SERPINI1: variants seen among roughly 807,000 people sequenced by gnomAD.
SERPINI1 encodes serpin family I member 1, also known as neuroserpin.
Under a neutral mutation model 41.1 loss-of-function variants are expected in SERPINI1, and 19 were observed. The observed-to-expected ratio is 0.46, with a 90% CI of 0.32 to 0.68. The LOEUF (loss-of-function observed/expected upper bound fraction) is 0.68, where lower values mean the gene tolerates loss of function less well. SERPINI1 is among the 30% of genes least tolerant of loss of function. SERPINI1 has a pLI of 0.03. For synonymous variants in SERPINI1, 138 were observed against 156.6 expected (o/e 0.88, Z 0.89); for missense variants, 460 against 479.2 (o/e 0.96, Z 0.37).
intron 1 of SERPINI1, among the ~76,000 whole-genome samples, chr3:167,773,980 T>C (rs1169699970): frequency 6.6e-6 from 1 of 152,196 alleles, no homozygotes; most frequent in Non-Finnish European, 1.5e-5. Context: ...TAACTTAGGT[T>C]GGTGTTCCAT....
intron 3 of SERPINI1, among the ~76,000 whole-genome samples, chr3:167,791,172 G>C (rs1005342834): frequency 6.6e-6 from 1 of 151,946 alleles, no homozygotes; most frequent in African/African-American, 2.4e-5. Context: ...TGTATTTAGG[G>C]TTTCCAAATG....
At chr3:167,754,563 G>T (rs1726140264) in intron 1 of SERPINI1, among the ~76,000 whole-genome samples, 1 of 152,128 alleles carries the variant, frequency 6.6e-6, no homozygotes. Context: ...TTATGACTTG[G>T]CCATAAGGAA....
intron 1 of SERPINI1, among the ~76,000 whole-genome samples, chr3:167,788,661 G>A (rs79402213): frequency 0.02 from 3,063 of 152,296 alleles, 138 homozygotes; most frequent in East Asian, 0.18. Flanking sequence ...TCACCAGTTG[G>A]TAACCCAGCT....
At chr3:167,784,902 G>T (rs1727259367) in intron 1 of SERPINI1, among the ~76,000 whole-genome samples, 1 of 152,038 alleles carries the variant, frequency 6.6e-6, no homozygotes. Flanking sequence ...AGATACCTAG[G>T]AAACATTTTT....
At chr3:167,777,900 C>G (rs1021659030) in intron 1 of SERPINI1, among the ~76,000 whole-genome samples, 2 of 152,138 alleles carry the variant, frequency 1.3e-5, no homozygotes, top group African/African-American at 4.8e-5. Flanking sequence ...TGGATTAATG[C>G]TGTTATCATG....
Position 167,779,870 on chromosome 3 carries a change from G to A in SERPINI1, c.-18-9241G>A, listed in dbSNP as rs933522213. 9.2e-5 allele frequency among the ~76,000 whole-genome samples: 14 copies of A among 152,138 alleles called. 1 individual carries two copies. Among genetic ancestry groups the A allele is most frequent in the Admixed American group, 9.2e-4 (14 of 15,272 alleles). ...TAAGAGGTATGGGAAGGGTCACAGT[G>A]AGCTGGGTAACTAGAGGGAGAGGCA... On this transcript the variant is annotated intron_variant, in intron 1 of 8. Transcript: ENST00000446050.
At chr3:167,747,622 C>A (rs887852594) in intron 1 of SERPINI1, among the ~76,000 whole-genome samples, 3 of 151,530 alleles carry the variant, frequency 2.0e-5, no homozygotes, top group East Asian at 1.9e-4. Context: ...CCAGCCTGGG[C>A]GACAGAGCGA....
At chr3:167,754,361 A>G (rs1726133161) in intron 1 of SERPINI1, among the ~76,000 whole-genome samples, 1 of 152,336 alleles carries the variant, frequency 6.6e-6, no homozygotes, top group Non-Finnish European at 1.5e-5. Flanking sequence ...AAAGCCCTCC[A>G]TTGATCTATA....
intron 6 of SERPINI1, among the ~76,000 whole-genome samples, chr3:167,821,292 C>T (rs915125419): frequency 2.6e-5 from 4 of 152,150 alleles, no homozygotes; most frequent in Admixed American, 6.5e-5. Flanking sequence ...AGAGAAGTGC[C>T]GTGGCCCTTC....
chr3:167,777,375 A>AATTTCTT (rs768359859), intron 1 of SERPINI1, among the ~76,000 whole-genome samples: 4 of 152,210 alleles, frequency 2.6e-5, no homozygotes, highest in Non-Finnish European at 4.4e-5. Flanking sequence ...TAATTTTAAA[A>AATTTCTT]ATTTCTTATT....
chr3:167,744,208 G>C (rs768826763), intron 1 of SERPINI1, among the ~76,000 whole-genome samples: 1 of 151,992 alleles, frequency 6.6e-6, no homozygotes, highest in East Asian at 1.9e-4. Flanking sequence ...TCTAAACTTT[G>C]GTTTTGTGAT....
chr3:167,770,602 A>C (rs1726717100), intron 1 of SERPINI1, among the ~76,000 whole-genome samples: 1 of 152,022 alleles, frequency 6.6e-6, no homozygotes, highest in Non-Finnish European at 1.5e-5. Flanking sequence ...AATTTTATTA[A>C]ATGTTTAGTA....
At chr3:167,739,858 A>G (rs565562924) in intron 1 of SERPINI1, among the ~76,000 whole-genome samples, 2 of 152,300 alleles carry the variant, frequency 1.3e-5, no homozygotes, top group South Asian at 4.1e-4. Context: ...TGTAATTTTT[A>G]CTTCATTATG....
intron 6 of SERPINI1, among the ~76,000 whole-genome samples, chr3:167,809,165 G>A (rs777102296): frequency 3.3e-5 from 5 of 152,150 alleles, no homozygotes; most frequent in Non-Finnish European, 5.9e-5. Context: ...ATGTAGGACT[G>A]GTAGAGATTC....
rs575815114 is a variant in SERPINI1, at chr3:167,794,657, C to T, written c.714C>T (p.Ile238=). The change falls in exon 5 of 9, where the codon ATC becomes ATT. Residue 238 remains isoleucine, a synonymous_variant. Coordinates refer to ENST00000446050, the MANE Select transcript of SERPINI1 (RefSeq NM_001122752.2). ...FSDGSNEAGG[I]YQVLEIPYEG... ...ATGGCTCCAATGAAGCTGGTGGTAT[C>T]TACCAAGTCCTAGAAATACCATATG... The T allele has an allele frequency of 6.2e-7, 1 of 1,613,500 alleles. No individual in the cohort carries two copies. The highest frequency in any genetic ancestry group is 1.7e-5 in the Admixed American group (1 of 59,828).
intron 5 of SERPINI1, among the ~76,000 whole-genome samples, chr3:167,801,288 T>TTGA (rs2108563694): frequency 6.6e-6 from 1 of 152,384 alleles, no homozygotes; most frequent in East Asian, 1.9e-4. Context: ...GCTCTTCAAC[T>TTGA]TATTCAGGTA....
intron 2 of SERPINI1, among the ~76,000 whole-genome samples, chr3:167,790,028 A>G (rs1727446388): frequency 6.6e-6 from 1 of 152,214 alleles, no homozygotes; most frequent in African/African-American, 2.4e-5. Flanking sequence ...GTAAAGGATG[A>G]TCTTGAATTT....
rs117095592 is a variant in SERPINI1, at chr3:167,809,901, T to A, written c.979+2560T>A. On this transcript the variant is annotated intron_variant, in intron 6 of 8. Coordinates refer to ENST00000446050, the MANE Select transcript of SERPINI1 (RefSeq NM_001122752.2). ...TTTGCCATTCTCAAATACCACCCCA[T>A]TCAGGTTTTCAAGATCACTTGATAA... 1.3e-4 allele frequency among the ~76,000 whole-genome samples: 20 copies of A among 152,174 alleles called. No homozygotes were observed. The East Asian group carries it at 3.7e-3, about 28-fold the overall frequency.
In SERPINI1 at chr3:167,771,814, TGTGA is replaced by T. The variant is rs1000274553; in HGVS notation, c.-18-17293_-18-17290del. 4.7e-5 allele frequency among the ~76,000 whole-genome samples: 7 copies of T among 150,234 alleles called. No individual in the cohort carries two copies. In the East Asian group the frequency reaches 5.8e-4, roughly 12 times the overall value. ...ACAGTTTAAAACTAGATGGACTGTG[TGTGA>T]GTGTGTGTGTGTGCGCGTGTGTGTG... On this transcript the variant is annotated intron_variant, in intron 1 of 8. Transcript: ENST00000446050.
Sources: allele counts gnomAD v4.1 joint callset (sites outside exome capture counted in the v4.1 genomes callset), GRCh38; gene constraint gnomAD v4.1.1; transcripts MANE v1.5; gene names NCBI Gene and HGNC (gene_info 2026-07-23, HGNC 2026-07-21).